Variants in C3orf49 observed in about 807,000 individuals in gnomAD.
C3orf49 encodes putative uncharacterized protein C3orf49.
A neutral mutation model predicts 13.3 loss-of-function variants in C3orf49; 27 were observed. The ratio of observed to expected loss-of-function variants is 2.02; its 90% CI spans 1.49 to 2.79. The LOEUF (loss-of-function observed/expected upper bound fraction) is 2.79, where lower values mean the gene tolerates loss of function less well. Among genes scored for constraint, C3orf49 ranks in the 30% most tolerant of loss-of-function variants. The pLI, the probability that C3orf49 is intolerant of heterozygous loss-of-function variation, is 0.00. For missense variants in C3orf49, 242 were observed against 134.2 expected, an observed-to-expected ratio of 1.80 and a Z score of -3.97; for synonymous variants, 87 against 47.6, an observed-to-expected ratio of 1.83 and a Z score of -3.40.
chr3:63,791,363 ATTC>A, the C3orf49 span, among the ~76,000 whole-genome samples: 1 of 152,204 alleles, frequency 6.6e-6, no homozygotes, highest in African/African-American at 2.4e-5. Context: ...TCCCTCCCAT[ATTC>A]TTTGATAAGT....
intron 3 of C3orf49, among the ~76,000 whole-genome samples, chr3:63,830,505 A>G (rs956798849): frequency 2.6e-5 from 4 of 152,196 alleles, no homozygotes; most frequent in Non-Finnish European, 4.4e-5. Context: ...GGGAAGGAAG[A>G]GTAAACTCAG....
At chr3:63,825,882 C>A (rs73120883) in intron 2 of C3orf49, among the ~76,000 whole-genome samples, 2,321 of 152,238 alleles carry the variant, frequency 0.015, 31 homozygotes, top group Middle Eastern at 0.048. Flanking sequence ...GGTGCTCTAA[C>A]TTTAGGGGAG....
the C3orf49 span, among the ~76,000 whole-genome samples, chr3:63,792,897 T>C: frequency 6.6e-6 from 1 of 152,344 alleles, no homozygotes; most frequent in Middle Eastern, 3.4e-3. Context: ...ATCCAGGTGA[T>C]GTGGTATTAC....
the C3orf49 span, among the ~76,000 whole-genome samples, chr3:63,811,725 A>G: frequency 6.6e-6 from 1 of 151,902 alleles, no homozygotes; most frequent in East Asian, 1.9e-4. Context: ...AAATAAAAAG[A>G]ATAAAAATAA....
chr3:63,837,831 AAT>A (rs1701665280), intron 5 of C3orf49: 1 of 561,254 alleles, frequency 1.8e-6, no homozygotes, highest in South Asian at 3.2e-5. Context: ...TTTAAAGAAT[AAT>A]ATAGTTTTAA....
chr3:63,845,706 G>A (rs920518426), intron 6 of C3orf49, among the ~76,000 whole-genome samples: 8 of 152,066 alleles, frequency 5.3e-5, no homozygotes, highest in Admixed American at 2.0e-4. Flanking sequence ...GTTGGTCAAG[G>A]CGATCTCAAA....
In C3orf49 at chr3:63,826,327, C is replaced by G. The variant is rs544837382; in HGVS notation, c.446-1274C>G. Among the ~76,000 whole-genome samples the G allele has an allele frequency of 2.0e-5, 3 of 152,240 alleles. No individual in the cohort carries two copies. In the South Asian group the frequency reaches 6.2e-4, roughly 32 times the overall value. ...GAAGAACAATAAGCACCCATACATT[C>G]TTTCAGGCAAGGAATGACATTAGCT... is the stretch of plus-strand genomic sequence containing the variant. On this transcript the variant is annotated intron_variant, in intron 2 of 6. Transcript: ENST00000295896.
chr3:63,823,707 C>T (rs1701428680), intron 2 of C3orf49, 138 bp downstream of exon 2: 1 of 597,552 alleles, frequency 1.7e-6, no homozygotes, highest in South Asian at 2.0e-5. Flanking sequence ...TACCTGGGAC[C>T]TTCTGAGTGA....
chr3:63,824,219 C>CAT (rs921128407), intron 2 of C3orf49, among the ~76,000 whole-genome samples: 13 of 151,806 alleles, frequency 8.6e-5, no homozygotes, highest in African/African-American at 2.9e-4. Context: ...TTCATATATA[C>CAT]ATATATATAT....
At chr3:63,836,335 T>C in intron 5 of C3orf49, 1 of 1,612,710 alleles carries the variant, frequency 6.2e-7, no homozygotes, top group Non-Finnish European at 8.5e-7. Context: ...TGGTGCTGAA[T>C]CACTTTTGCC....
At chr3:63,822,855 T>A (rs185783199) in intron 1 of C3orf49, among the ~76,000 whole-genome samples, 2 of 152,332 alleles carry the variant, frequency 1.3e-5, no homozygotes, top group East Asian at 3.9e-4. Context: ...AAAAACTATG[T>A]CAAACTATCA....
chr3:63,834,488 C>T (rs780352696), intron 5 of C3orf49, among the ~76,000 whole-genome samples: 1 of 151,664 alleles, frequency 6.6e-6, no homozygotes, highest in Admixed American at 6.6e-5. Context: ...GGTAAAACCC[C>T]GTCTCTACTA....
chr3:63,830,863 ATTCT>A, intron 3 of C3orf49, among the ~76,000 whole-genome samples: 1 of 152,248 alleles, frequency 6.6e-6, no homozygotes, highest in East Asian at 1.9e-4. Context: ...GATGCTGTAT[ATTCT>A]TTCAGAGCCA....
At chr3:63,791,660 G>A in the C3orf49 span, among the ~76,000 whole-genome samples, 1 of 152,138 alleles carries the variant, frequency 6.6e-6, no homozygotes. Flanking sequence ...CATCCCACTT[G>A]GTTCTATTGT....
chr3:63,796,591 T>C, the C3orf49 span, among the ~76,000 whole-genome samples: 294 of 152,308 alleles, frequency 1.9e-3, 2 homozygotes, highest in African/African-American at 6.7e-3. Context: ...ATATGCAATA[T>C]ACAATTTTGA....
At chr3:63,780,811 C>G in the C3orf49 span, among the ~76,000 whole-genome samples, 610 of 152,250 alleles carry the variant, frequency 4.0e-3, 4 homozygotes, top group African/African-American at 0.014. Context: ...ATGTTCATGT[C>G]CTTCACCCAC....
intron 5 of C3orf49, chr3:63,839,541 T>C: frequency 1.2e-6 from 1 of 848,644 alleles, no homozygotes; most frequent in Admixed American, 2.1e-5. Context: ...AATTAAGAGT[T>C]GACTCCACTG....
chr3:63,808,041 C>T, the C3orf49 span, among the ~76,000 whole-genome samples: 5 of 152,030 alleles, frequency 3.3e-5, no homozygotes, highest in Admixed American at 6.6e-5. Context: ...ACATAATGAA[C>T]GAACTTTCCG....
chr3:63,847,085 C>T (rs187753687), intron 6 of C3orf49, among the ~76,000 whole-genome samples: 69 of 152,036 alleles, frequency 4.5e-4, no homozygotes, highest in Non-Finnish European at 7.5e-4. Flanking sequence ...ATTGCGTAGG[C>T]GAATAGGAAG....
Sources: allele counts gnomAD v4.1 joint callset (sites outside exome capture counted in the v4.1 genomes callset), GRCh38; gene constraint gnomAD v4.1.1; transcripts MANE v1.5; gene names NCBI Gene and HGNC (gene_info 2026-07-23, HGNC 2026-07-21).